The following DOCK10 variants were observed in gnomAD, a reference collection of about 807,000 sequenced individuals.
DOCK10 encodes the protein dedicator of cytokinesis 10, also known as dedicator of cytokinesis protein 10.
Under a neutral mutation model 280.1 loss-of-function variants are expected in DOCK10, and 145 were observed. That is an observed-to-expected ratio of 0.52 (90% CI 0.45 to 0.59). The LOEUF is 0.59. Among genes scored for constraint, DOCK10 ranks in the 20% least tolerant of loss-of-function variants. DOCK10 has a pLI of 0.00. For missense variants in DOCK10, 2,368 were observed against 2,651.7 expected, an observed-to-expected ratio of 0.89 and a Z score of 2.35; for synonymous variants, 915 against 942.2, an observed-to-expected ratio of 0.97 and a Z score of 0.53.
chr2:224,942,042 C>T (rs1240873939), intron 1 of DOCK10, among the ~76,000 whole-genome samples: 1 of 152,172 alleles, frequency 6.6e-6, no homozygotes, highest in Non-Finnish European at 1.5e-5. Flanking sequence ...CATGACCCTC[C>T]TTCCTGTCCC....
At chr2:224,932,347 G>T (rs2126026581) in intron 1 of DOCK10, among the ~76,000 whole-genome samples, 1 of 152,228 alleles carries the variant, frequency 6.6e-6, no homozygotes. Context: ...TCCCCTCAAA[G>T]AAGCCCCTCA....
At chr2:224,800,105 C>T in intron 41 of DOCK10, 46 bp downstream of exon 41, 2 of 1,161,232 alleles carry the variant, frequency 1.7e-6, no homozygotes, top group Non-Finnish European at 2.5e-6. Flanking sequence ...GTTTTTCTAC[C>T]TCATATTTCA....
intron 55 of DOCK10, among the ~76,000 whole-genome samples, chr2:224,767,733 G>A (rs1690150936): frequency 6.6e-6 from 1 of 152,078 alleles, no homozygotes. Context: ...TTAGGATGCT[G>A]GATCACCATC....
intron 4 of DOCK10, among the ~76,000 whole-genome samples, chr2:224,892,834 C>G (rs1699777673): frequency 6.6e-6 from 1 of 152,238 alleles, no homozygotes; most frequent in Non-Finnish European, 1.5e-5. Flanking sequence ...TAATAAGCCA[C>G]AAGGCACAGC....
At chr2:224,804,068 C>T (rs1446125723) in intron 39 of DOCK10, 44 bp downstream of exon 39, 1 of 1,196,212 alleles carries the variant, frequency 8.4e-7, no homozygotes, top group African/African-American at 1.5e-5. Flanking sequence ...GACACACACA[C>T]ACAGCTATAT....
At chr2:224,858,710 T>C (rs1270711475) in intron 14 of DOCK10, among the ~76,000 whole-genome samples, 1 of 152,190 alleles carries the variant, frequency 6.6e-6, no homozygotes, top group Non-Finnish European at 1.5e-5. Context: ...TTCATTTACA[T>C]AGATGGTTTT....
At chr2:224,854,457 G>A (rs1696969158) in intron 16 of DOCK10, among the ~76,000 whole-genome samples, 1 of 152,068 alleles carries the variant, frequency 6.6e-6, no homozygotes, top group African/African-American at 2.4e-5. Flanking sequence ...ATCATTGCAT[G>A]GCCACTTGAG....
rs201750264 is a variant in DOCK10, at chr2:224,796,391, A to T, written c.4863T>A (p.Ala1621=). ...IKAVSQLIAD[A]GIGGSRFQHS... ...GTTGAAACCGAGAGCCTCCAATCCC[A>T]GCATCGGCTATTAACTGGCTCACAG... Residue 1621 remains alanine, a synonymous_variant, in exon 44 of 56, where the codon GCT becomes GCA. Transcript: ENST00000258390. 4.8e-5 allele frequency: 76 copies of T among 1,570,446 alleles called. 1 individual carries two copies. The East Asian group carries it at 1.7e-3, about 36-fold the overall frequency.
chr2:225,033,781 A>T (rs772289585), intron 1 of DOCK10, among the ~76,000 whole-genome samples: 1 of 152,208 alleles, frequency 6.6e-6, no homozygotes, highest in African/African-American at 2.4e-5. Flanking sequence ...CAAGAACACC[A>T]AAATCAAGAC....
At chr2:224,983,608 G>A (rs1705862393) in intron 1 of DOCK10, 1 of 349,776 alleles carries the variant, frequency 2.9e-6, no homozygotes, top group Non-Finnish European at 5.8e-6. Flanking sequence ...GGCCGCCCCA[G>A]CCTCAGTGAG....
At chr2:225,030,936 C>T (rs1171262380) in intron 1 of DOCK10, among the ~76,000 whole-genome samples, 4 of 152,166 alleles carry the variant, frequency 2.6e-5, no homozygotes, top group African/African-American at 9.7e-5. Flanking sequence ...TTACTGCAAA[C>T]CAGGCCCTTG....
At chr2:225,015,474 C>T (rs1245096881) in intron 1 of DOCK10, among the ~76,000 whole-genome samples, 1 of 152,142 alleles carries the variant, frequency 6.6e-6, no homozygotes, top group Non-Finnish European at 1.5e-5. Flanking sequence ...ATGTTTTCCT[C>T]ATATGTTCTG....
rs764897173 is a variant in DOCK10, at chr2:224,983,959, T to C, written c.124-52291A>G. The C allele has an allele frequency of 5.6e-4, 249 of 447,342 alleles. 1 individual carries two copies. The highest frequency in any genetic ancestry group is 9.4e-4 in the Non-Finnish European group (203 of 216,872). 27.7% of individuals were successfully genotyped at this position (447,342 alleles called of 1,614,324 possible). ...ACTGAAGAGAGGCTACGACTTAGCC[T>C]GTCTGGCTTGTGTGTATTGAATATC... On this transcript the variant is annotated intron_variant, in intron 1 of 55. Coordinates refer to ENST00000258390, the MANE Select transcript of DOCK10 (RefSeq NM_014689.3).
At chr2:224,765,899 C>A in intron 55 of DOCK10, 62 bp from the exon 56 acceptor site, 1 of 1,289,786 alleles carries the variant, frequency 7.8e-7, no homozygotes, top group Non-Finnish European at 1.1e-6. Context: ...ATCCCAAACA[C>A]AAAATTAAAA....
At chr2:225,035,528 TG>T (rs1690198279) in intron 1 of DOCK10, among the ~76,000 whole-genome samples, 2 of 112,562 alleles carry the variant, frequency 1.8e-5, no homozygotes, top group South Asian at 5.3e-4. Flanking sequence ...AGATCTTATA[TG>T]ATATGATATA....
At chr2:225,017,544 T>C (rs1689646566) in intron 1 of DOCK10, among the ~76,000 whole-genome samples, 1 of 152,012 alleles carries the variant, frequency 6.6e-6, no homozygotes, top group Middle Eastern at 3.2e-3. Context: ...GGGTAAAGCA[T>C]CTAAGATAAT....
At chr2:224,829,469 C>T (rs1695081157) in intron 27 of DOCK10, among the ~76,000 whole-genome samples, 1 of 152,176 alleles carries the variant, frequency 6.6e-6, no homozygotes, top group Non-Finnish European at 1.5e-5. Flanking sequence ...TGTACACCAC[C>T]AACCCCACCT....
intron 1 of DOCK10, among the ~76,000 whole-genome samples, chr2:225,013,013 G>A (rs192255127): frequency 1.3e-5 from 2 of 152,120 alleles, no homozygotes; most frequent in African/African-American, 4.8e-5. Context: ...AGAGTGCTTT[G>A]TTATTTCCCT....
chr2:224,785,588 C>T (rs1261976138), intron 50 of DOCK10, among the ~76,000 whole-genome samples: 2 of 152,166 alleles, frequency 1.3e-5, no homozygotes, highest in African/African-American at 4.8e-5. Flanking sequence ...TCACGCCATT[C>T]TCCTGCCTCA....
Sources: gnomAD v4.1 joint callset for allele counts (sites outside exome capture counted in the v4.1 genomes callset) on GRCh38, gnomAD v4.1.1 for gene constraint, MANE v1.5 for transcripts, NCBI Gene and HGNC (gene_info 2026-07-23, HGNC 2026-07-21) for gene names.